ANTXR1: variants seen among roughly 807,000 people sequenced by gnomAD.
ANTXR1 encodes the protein ANTXR cell adhesion molecule 1.
A neutral mutation model predicts 78.1 loss-of-function variants in ANTXR1; 19 were observed. The ratio of observed to expected loss-of-function variants is 0.24; its 90% CI spans 0.17 to 0.36. The LOEUF (loss-of-function observed/expected upper bound fraction) is 0.36, where lower values mean the gene tolerates loss of function less well. Among genes scored for constraint, ANTXR1 ranks in the 10% least tolerant of loss-of-function variants. The pLI, the probability that ANTXR1 is intolerant of heterozygous loss-of-function variation, is 1.00. For missense variants in ANTXR1, 518 were observed against 718.6 expected, an observed-to-expected ratio of 0.72 and a Z score of 3.19; for synonymous variants, 273 against 260.5, an observed-to-expected ratio of 1.05 and a Z score of -0.46.
intron 13 of ANTXR1, among the ~76,000 whole-genome samples, chr2:69,163,878 AT>A (rs1404759053): frequency 6.6e-6 from 1 of 152,212 alleles, no homozygotes; most frequent in African/African-American, 2.4e-5. Flanking sequence ...GTAATGGTTA[AT>A]GTTATATGAA....
intron 12 of ANTXR1, among the ~76,000 whole-genome samples, chr2:69,150,974 T>C (rs1213195649): frequency 1.3e-5 from 2 of 152,094 alleles, no homozygotes; most frequent in Non-Finnish European, 2.9e-5. Context: ...CAGTGAGCTA[T>C]GATCACACCA....
At chr2:69,015,636 G>C (rs1462185001) in intron 1 of ANTXR1, among the ~76,000 whole-genome samples, 1 of 152,024 alleles carries the variant, frequency 6.6e-6, no homozygotes, top group Non-Finnish European at 1.5e-5. Context: ...AGAATGAAAT[G>C]ATCAAAGAAC....
At chr2:69,161,642 C>G (rs1378272812) in intron 13 of ANTXR1, among the ~76,000 whole-genome samples, 1 of 152,204 alleles carries the variant, frequency 6.6e-6, no homozygotes, top group Non-Finnish European at 1.5e-5. Context: ...TTTTCCATAT[C>G]AAGTTGCCTA....
chr2:69,195,562 T>A (rs1365011975), intron 17 of ANTXR1, among the ~76,000 whole-genome samples: 3 of 152,210 alleles, frequency 2.0e-5, no homozygotes, highest in Admixed American at 6.5e-5. Flanking sequence ...CCTCATCACA[T>A]ATGGAATTTG....
rs1184693306 is a variant in ANTXR1, at chr2:69,180,333, CTGCTT to C, written c.1090-1451_1090-1447del. Among the ~76,000 whole-genome samples, 7 of 152,348 alleles carry C rather than the reference CTGCTT, an allele frequency of 4.6e-5. No individual in the cohort carries two copies. The East Asian group carries it at 1.4e-3, about 29-fold the overall frequency. On this transcript the variant is annotated intron_variant, in intron 14 of 17. Transcript: ENST00000303714. ...ATTTCTCCCTCTTTTGTTCATTCCT[CTGCTT>C]TATCAACCCCTTTTCCAGCTTCCTT...
chr2:69,040,792 C>T (rs2104074109), intron 2 of ANTXR1, among the ~76,000 whole-genome samples: 1 of 152,294 alleles, frequency 6.6e-6, no homozygotes, highest in Admixed American at 6.5e-5. Flanking sequence ...TCATAGAGTG[C>T]TTGAAGCAAG....
chr2:69,223,901 G>C (rs901886670), intron 17 of ANTXR1, among the ~76,000 whole-genome samples: 1 of 152,070 alleles, frequency 6.6e-6, no homozygotes, highest in African/African-American at 2.4e-5. Context: ...TTAACCTTTG[G>C]GTATGTGATA....
chr2:69,070,505 C>T (rs1478211753), intron 3 of ANTXR1, 142 bp from the exon 4 acceptor site: 1 of 757,780 alleles, frequency 1.3e-6, no homozygotes, highest in Non-Finnish European at 2.4e-6. Context: ...AATATAAAGG[C>T]CTTCCCTTTG....
At chr2:69,224,927 G>A (rs1452629893) in intron 17 of ANTXR1, among the ~76,000 whole-genome samples, 2 of 152,146 alleles carry the variant, frequency 1.3e-5, no homozygotes, top group African/African-American at 4.8e-5. Flanking sequence ...GTTTGGGGAG[G>A]TAAGCTCCAG....
At chr2:69,060,443 TGATGTGAG>T (rs1670200312) in intron 3 of ANTXR1, among the ~76,000 whole-genome samples, 1 of 152,166 alleles carries the variant, frequency 6.6e-6, no homozygotes, top group Non-Finnish European at 1.5e-5. Context: ...AAAACAGTGC[TGATGTGAG>T]GATGGGTGAT....
chr2:69,050,898 A>G (rs1259581693), intron 3 of ANTXR1, among the ~76,000 whole-genome samples: 4 of 152,016 alleles, frequency 2.6e-5, no homozygotes, highest in African/African-American at 9.7e-5. Flanking sequence ...TGTTTTATAT[A>G]TTGTTAGATT....
chr2:69,238,148 T>A (rs1675814510), intron 17 of ANTXR1, among the ~76,000 whole-genome samples: 2 of 152,186 alleles, frequency 1.3e-5, no homozygotes, highest in Admixed American at 6.5e-5. Context: ...ACTAACTACC[T>A]GTCACTCAGT....
chr2:69,096,570 C>T (rs1034499957), intron 9 of ANTXR1, among the ~76,000 whole-genome samples: 1 of 151,890 alleles, frequency 6.6e-6, no homozygotes, highest in Non-Finnish European at 1.5e-5. Flanking sequence ...GGAGAGAGAA[C>T]CTTCCCAGAA....
intron 1 of ANTXR1, among the ~76,000 whole-genome samples, chr2:69,016,783 C>T (rs1266909136): frequency 3.9e-5 from 6 of 152,172 alleles, no homozygotes; most frequent in Non-Finnish European, 8.8e-5. Context: ...ACATACATTA[C>T]TTTTATATTC....
At chr2:69,174,604 G>A (rs954490970) in intron 14 of ANTXR1, among the ~76,000 whole-genome samples, 3 of 151,848 alleles carry the variant, frequency 2.0e-5, no homozygotes, top group African/African-American at 4.8e-5. Context: ...CAGACTGGGC[G>A]ACAGAGCAAG....
intron 10 of ANTXR1, chr2:69,103,256 G>A: frequency 2.5e-6 from 1 of 408,102 alleles, no homozygotes; most frequent in Non-Finnish European, 4.7e-6. Flanking sequence ...CGGGGCACTG[G>A]TTTCCTTGTC....
At chr2:69,061,003 A>T (rs1434500993) in intron 3 of ANTXR1, among the ~76,000 whole-genome samples, 1 of 152,240 alleles carries the variant, frequency 6.6e-6, no homozygotes, top group East Asian at 1.9e-4. Flanking sequence ...GGGAAGGAAG[A>T]GTGGCAAATG....
intron 12 of ANTXR1, among the ~76,000 whole-genome samples, chr2:69,149,295 G>C (rs1246665377): frequency 6.6e-6 from 1 of 152,244 alleles, no homozygotes; most frequent in South Asian, 2.1e-4. Flanking sequence ...GGGACAGTTT[G>C]TTCCTCATTA....
At chr2:69,073,430 T>G (rs759323987) in intron 6 of ANTXR1, among the ~76,000 whole-genome samples, 4 of 152,176 alleles carry the variant, frequency 2.6e-5, no homozygotes, top group Non-Finnish European at 5.9e-5. Flanking sequence ...AAATAAACAT[T>G]GATATAATTT....
Sources: allele counts gnomAD v4.1 joint callset (sites outside exome capture counted in the v4.1 genomes callset), GRCh38; gene constraint gnomAD v4.1.1; transcripts MANE v1.5; gene names NCBI Gene and HGNC (gene_info 2026-07-23, HGNC 2026-07-21).